Variants in MYO6 observed in about 807,000 individuals in gnomAD.
MYO6 encodes unconventional myosin-VI.
Under a neutral mutation model 178.7 loss-of-function variants are expected in MYO6, and 74 were observed. The ratio of observed to expected loss-of-function variants is 0.41; its 90% CI spans 0.34 to 0.50. The LOEUF is 0.50. Among genes scored for constraint, MYO6 ranks in the 20% least tolerant of loss-of-function variants. The probability of loss-of-function intolerance (pLI) is 0.09; values close to 1 mark genes in which losing one functional copy is unlikely to be tolerated. For missense variants in MYO6, 1,330 were observed against 1,547.4 expected (o/e 0.86, Z 2.36); for synonymous variants, 477 against 504.6 (o/e 0.95, Z 0.73).
intron 1 of MYO6, among the ~76,000 whole-genome samples, chr6:75,780,471 T>C (rs1766855053): frequency 6.6e-6 from 1 of 152,142 alleles, no homozygotes; most frequent in African/African-American, 2.4e-5. Context: ...TAAATAAATA[T>C]GTGATGTGAA....
chr6:75,908,614 T>C lies in MYO6; in HGVS notation c.3399T>C (p.Ser1133=), dbSNP rs368805948. 3.7e-5 allele frequency: 59 copies of C among 1,613,450 alleles called. No individual in the cohort carries two copies. The highest frequency in any genetic ancestry group is 4.8e-5 in the Non-Finnish European group (57 of 1,179,640). The change falls in exon 32 of 35, where the codon TCT becomes TCC. Residue 1133 remains serine, a synonymous_variant. Coordinates refer to ENST00000369977, the MANE Select transcript of MYO6 (RefSeq NM_004999.4). Reference sequence around the variant, plus strand: ...AAACAGAGCAACGTGCTCCAAAGTCTGTTACTGATTATGGTAAAGAGAAAT... The same window carrying C: ...AAACAGAGCAACGTGCTCCAAAGTCCGTTACTGATTATGGTAAAGAGAAAT... ...NTETEQRAPK[S]VTDYDFAPFL... is the part of the protein sequence containing the mutation.
At chr6:75,829,347 G>A (rs1006604631) in intron 4 of MYO6, among the ~76,000 whole-genome samples, 12 of 152,042 alleles carry the variant, frequency 7.9e-5, no homozygotes, top group African/African-American at 2.9e-4. Context: ...GGTGACTGGA[G>A]ATAAATTACC....
chr6:75,908,500 T>A lies in MYO6; in HGVS notation c.3285T>A (p.Ile1095=). The change falls in exon 32 of 35, where the codon ATT becomes ATA. Residue 1095 remains isoleucine (I), a synonymous_variant. Transcript: ENST00000369977. The part of the protein sequence containing the change: ...LRDTINTSCD[I]ELLAACREEF... ...TTTGCTCAATGTAATCAATAGATAT[T>A]GAGCTCCTGGCAGCTTGCAGAGAAG... 6.2e-7 allele frequency: 1 copy of A among 1,613,440 alleles called. No individual in the cohort carries two copies. The highest frequency in any genetic ancestry group is 8.5e-7 in the Non-Finnish European group (1 of 1,179,606).
At position 75,810,953 on chromosome 6, in the gene MYO6, C is replaced by T. The variant is rs566122220; in HGVS notation, c.-47-6548C>T. 4.6e-5 allele frequency among the ~76,000 whole-genome samples: 7 copies of T among 152,178 alleles called. No individual in the cohort carries two copies. In the South Asian group the frequency reaches 1.5e-3, roughly 32 times the overall value. On this transcript the variant is annotated intron_variant, in intron 1 of 34. Transcript: ENST00000369977. ...GCCCAGGAGTTCGAGGCTGCAGTGA[C>T]CTATGATTGTGCCATTGCACTCCAG...
intron 1 of MYO6, among the ~76,000 whole-genome samples, chr6:75,796,342 T>G (rs1706950690): frequency 6.6e-6 from 1 of 152,216 alleles, no homozygotes. Context: ...CCCTTCTTCC[T>G]CTCAGTACAC....
At chr6:75,772,018 A>G (rs1007379289) in intron 1 of MYO6, among the ~76,000 whole-genome samples, 4 of 152,222 alleles carry the variant, frequency 2.6e-5, no homozygotes, top group Non-Finnish European at 5.9e-5. Context: ...CTTAAGAATT[A>G]TTTAAAATTA....
rs764854985 is a variant in MYO6, at chr6:75,830,512, C to G, written c.358C>G (p.Leu120Val). ...EAIKSYQGKS[L>V]GTRPPHVFAI... Reference sequence around the variant, plus strand: ...AATAAAGTCATATCAAGGAAAATCTCTTGGGACAAGACCACCTCATGTCTT... The same window carrying G: ...AATAAAGTCATATCAAGGAAAATCTGTTGGGACAAGACCACCTCATGTCTT... Residue 120 changes from leucine (L) to valine (V), a missense_variant, in exon 5 of 35, where the codon CTT becomes GTT. Physicochemically the swap from Leu to Val is conservative, Grantham distance 32. This residue lies in a region of MYO6 where 613 missense variants were observed against 816.8 expected (regional missense o/e 0.75). Coordinates refer to ENST00000369977, the MANE Select transcript of MYO6 (RefSeq NM_004999.4). 6.2e-7 allele frequency: 1 copy of G among 1,612,500 alleles called. No individual in the cohort carries two copies. Among genetic ancestry groups the G allele is most frequent in the Non-Finnish European group, 8.5e-7 (1 of 1,178,784 alleles).
intron 1 of MYO6, among the ~76,000 whole-genome samples, chr6:75,763,643 G>T (rs1338344558): frequency 6.6e-6 from 1 of 152,128 alleles, no homozygotes; most frequent in African/African-American, 2.4e-5. Context: ...CTTATCTACA[G>T]TAAGAATAAT....
At chr6:75,825,602 A>G (rs1772387637) in intron 3 of MYO6, among the ~76,000 whole-genome samples, 1 of 152,214 alleles carries the variant, frequency 6.6e-6, no homozygotes, top group Admixed American at 6.5e-5. Context: ...TCTAAATAAT[A>G]AATAAATAAA....
Position 75,794,600 on chromosome 6 carries a change from A to G in MYO6, c.-47-22901A>G, listed in dbSNP as rs558828427. Among the ~76,000 whole-genome samples, 9 of 152,246 alleles carry G rather than the reference A, an allele frequency of 5.9e-5. No individual in the cohort carries two copies. In the South Asian group the frequency reaches 1.2e-3, roughly 21 times the overall value. ...AGGTAGAACAAAGACCCTATTGAGC[A>G]TGAAAGGACTCAAATACGTACCTAG... is the stretch of plus-strand genomic sequence containing the variant. On this transcript the variant is annotated intron_variant, in intron 1 of 34. Transcript: ENST00000369977.
intron 7 of MYO6, among the ~76,000 whole-genome samples, chr6:75,839,765 G>T (rs527813477): frequency 3.7e-4 from 56 of 152,156 alleles, no homozygotes; most frequent in Non-Finnish European, 6.5e-4. Context: ...AGGTAATTCT[G>T]TAAACTCTTA....
intron 16 of MYO6, among the ~76,000 whole-genome samples, chr6:75,863,361 T>G (rs1363632675): frequency 6.6e-6 from 1 of 152,056 alleles, no homozygotes; most frequent in Non-Finnish European, 1.5e-5. Flanking sequence ...GAAAATACAC[T>G]CAGAGAGGGA....
chr6:75,807,100 C>T (rs1288976805), intron 1 of MYO6, among the ~76,000 whole-genome samples: 2 of 152,144 alleles, frequency 1.3e-5, no homozygotes, highest in African/African-American at 4.8e-5. Context: ...GGGAGTTTGC[C>T]TCTGTATAGA....
At chr6:75,849,296 A>C (rs1294132197) in intron 11 of MYO6, among the ~76,000 whole-genome samples, 5 of 152,212 alleles carry the variant, frequency 3.3e-5, no homozygotes, top group South Asian at 2.1e-4. Flanking sequence ...AATATTTACT[A>C]TCTGGCCCTT....
chr6:75,758,359 CTT>C (rs1474543533), intron 1 of MYO6, among the ~76,000 whole-genome samples: 3 of 151,878 alleles, frequency 2.0e-5, no homozygotes, highest in African/African-American at 7.3e-5. Context: ...TCTTCATTGA[CTT>C]TTTTTTAAAG....
chr6:75,866,692 G>A lies in MYO6; in HGVS notation c.1770+71G>A, dbSNP rs754640980. On this transcript the variant is annotated intron_variant, in intron 17 of 34. Transcript: ENST00000369977. ...GCACTGTACAGTATGATAGCTTCTA[G>A]TCACGTGGTTATTAATTATTTCACG... 1.3e-4 allele frequency: 175 copies of A among 1,312,110 alleles called. 1 individual carries two copies. In the Middle Eastern group the frequency reaches 4.9e-3, roughly 37 times the overall value. 81.3% of individuals were successfully genotyped at this position (1,312,110 alleles called of 1,614,324 possible). A position where few individuals can be genotyped will look rare whatever the true frequency, so the allele number is the denominator to read the frequency against.
At chr6:75,891,555 C>A (rs1298574607) in intron 27 of MYO6, among the ~76,000 whole-genome samples, 7 of 151,926 alleles carry the variant, frequency 4.6e-5, no homozygotes, top group Admixed American at 6.6e-5. Flanking sequence ...TGATGTGAAC[C>A]CAGGAGGCAG....
chr6:75,865,253 G>A (rs1384225338), intron 16 of MYO6: 2 of 151,370 alleles, frequency 1.3e-5, no homozygotes, highest in African/African-American at 4.9e-5. Context: ...CACCGTGCCT[G>A]GCCAGTACTA....
intron 28 of MYO6, among the ~76,000 whole-genome samples, chr6:75,894,040 G>A (rs1779107135): frequency 6.6e-6 from 1 of 152,204 alleles, no homozygotes; most frequent in Non-Finnish European, 1.5e-5. Context: ...CTGTGAGGAA[G>A]TACTGCAGTT....
Sources: gnomAD v4.1 joint callset for allele counts (sites outside exome capture counted in the v4.1 genomes callset) on GRCh38, gnomAD v4.1.1 for gene constraint, gnomAD v4.1.1 regional missense constraint, MANE v1.5 for transcripts, NCBI Gene and HGNC (gene_info 2026-07-23, HGNC 2026-07-21) for gene names.